NEO1: variants seen among roughly 807,000 people sequenced by gnomAD.
NEO1 encodes the protein neogenin.
A neutral mutation model predicts 159.7 loss-of-function variants in NEO1; 63 were observed. The observed-to-expected ratio is 0.39, with a 90% confidence interval of 0.32 to 0.49. The LOEUF (loss-of-function observed/expected upper bound fraction) is 0.49. Ranked by LOEUF, NEO1 falls within the 20% of genes least tolerant of loss-of-function variation. The pLI is 0.85. For synonymous variants in NEO1, 633 were observed against 662.0 expected, an observed-to-expected ratio of 0.96 and a Z score of 0.67; for missense variants, 1,615 against 1,831.0, an observed-to-expected ratio of 0.88 and a Z score of 2.15.
rs1489211868 is a variant in NEO1 at position 73,293,523 on chromosome 15, C to A, written c.3876C>A (p.Ser1292=). 1 of 1,614,172 alleles carries A rather than the reference C, an allele frequency of 6.2e-7. No individual in the cohort carries two copies. Among genetic ancestry groups the A allele is most frequent in the Admixed American group, 1.7e-5 (1 of 60,014 alleles). Residue 1292 remains serine (S), a synonymous_variant, in exon 26 of 29, where the codon TCC becomes TCA. Transcript: ENST00000261908. ...GSPWPIGTSM[S]LSDRANSTES... ...CATGGCCCATTGGCACATCCATGTC[C>A]CTTTCAGACAGGGCCAATTCCACAG...
In NEO1 at chr15:73,188,641, A is replaced by G. The variant is rs913677307; in HGVS notation, c.1291+10214A>G. 4.6e-5 allele frequency among the ~76,000 whole-genome samples: 7 copies of G among 152,218 alleles called. 1 individual carries two copies. Among genetic ancestry groups the G allele is most frequent in the Non-Finnish European group, 1.0e-4 (7 of 68,032 alleles). Reference sequence around the variant, plus strand: ...AAATCTCTGATTCTTTCCTTAGGAAAAATTCCTAAAAGAACAATTAATGGT... The same window carrying G: ...AAATCTCTGATTCTTTCCTTAGGAAGAATTCCTAAAAGAACAATTAATGGT... On this transcript the variant is annotated intron_variant, in intron 7 of 28. Coordinates refer to ENST00000261908, the MANE Select transcript of NEO1 (RefSeq NM_002499.4).
chr15:73,215,447 T>G (rs192484462), intron 7 of NEO1, among the ~76,000 whole-genome samples: 2 of 152,346 alleles, frequency 1.3e-5, no homozygotes, highest in East Asian at 3.9e-4. Flanking sequence ...CATTGAAGTA[T>G]GTCCCTTGTA....
intron 8 of NEO1, among the ~76,000 whole-genome samples, chr15:73,242,087 G>C (rs1004436532): frequency 2.6e-5 from 4 of 152,132 alleles, no homozygotes; most frequent in African/African-American, 9.7e-5. Flanking sequence ...TTTTACTTCA[G>C]TTTGAAGTAA....
rs1459305872 is a variant in NEO1 at position 73,258,824 on chromosome 15, A to G, written c.2151A>G (p.Thr717=). ...TGGCTGCTCTAACAATCAATGGTAC[A>G]GGCCCGGCAACTGACTGGCTGTCTG... ...FRVAALTING[T]GPATDWLSAE... is the part of the protein sequence containing the mutation. The change falls in exon 14 of 29, where the codon ACA becomes ACG. Residue 717 remains threonine (T), a synonymous_variant. Coordinates refer to ENST00000261908, the MANE Select transcript of NEO1 (RefSeq NM_002499.4). 1 of 1,613,956 alleles carries G rather than the reference A, an allele frequency of 6.2e-7. No homozygotes were observed. The highest frequency in any genetic ancestry group is 1.1e-5 in the South Asian group (1 of 91,078).
intron 7 of NEO1, among the ~76,000 whole-genome samples, chr15:73,208,156 C>A (rs1329910213): frequency 6.6e-6 from 1 of 152,136 alleles, no homozygotes; most frequent in East Asian, 1.9e-4. Context: ...TCACATAAAC[C>A]TTGAAGGAAA....
intron 7 of NEO1, among the ~76,000 whole-genome samples, chr15:73,226,812 T>G (rs1467764532): frequency 6.6e-6 from 1 of 152,210 alleles, no homozygotes; most frequent in Non-Finnish European, 1.5e-5. Context: ...TTTCCTACCT[T>G]TCAAATGAGC....
chr15:73,126,369 C>A, intron 3 of NEO1, 48 bp from the exon 4 acceptor site: 1 of 1,514,264 alleles, frequency 6.6e-7, no homozygotes, highest in South Asian at 1.3e-5. Context: ...CATGTCCAGC[C>A]TGTTTTGTCC....
At chr15:73,214,567 A>G (rs1342298597) in intron 7 of NEO1, among the ~76,000 whole-genome samples, 1 of 152,188 alleles carries the variant, frequency 6.6e-6, no homozygotes, top group Non-Finnish European at 1.5e-5. Context: ...GCTTTGTCAA[A>G]GATCAGTTGG....
At chr15:73,220,888 G>A (rs1257006002) in intron 7 of NEO1, among the ~76,000 whole-genome samples, 1 of 152,094 alleles carries the variant, frequency 6.6e-6, no homozygotes, top group Non-Finnish European at 1.5e-5. Flanking sequence ...CCTGTAGCTT[G>A]GAGTAGTTTG....
In NEO1 at chr15:73,244,420, A is replaced by T. The variant is rs777000615; in HGVS notation, c.1528A>T (p.Ile510Phe). ...AAACCTAATGCCAGCGACCGTGTAC[A>T]TCTTTAGAGTTATGGCTCAAAATAA... ...IQNLMPATVY[I>F]FRVMAQNKHG... is the part of the protein sequence containing the mutation. The change falls in exon 9 of 29, where the codon ATC becomes TTC. Residue 510 changes from isoleucine to phenylalanine, a missense_variant. Transcript: ENST00000261908. 9 of 1,613,986 alleles carry T rather than the reference A, an allele frequency of 5.6e-6. No homozygotes were observed. Among genetic ancestry groups the T allele is most frequent in the Non-Finnish European group, 7.6e-6 (9 of 1,179,980 alleles).
chr15:73,077,762 T>C (rs1204195915), intron 1 of NEO1, among the ~76,000 whole-genome samples: 2 of 151,958 alleles, frequency 1.3e-5, no homozygotes, highest in Non-Finnish European at 1.5e-5. Context: ...GTAAAAATAA[T>C]ACTGCTGAGG....
At chr15:73,133,388 G>C (rs1240446966) in intron 4 of NEO1, among the ~76,000 whole-genome samples, 1 of 152,072 alleles carries the variant, frequency 6.6e-6, no homozygotes, top group Non-Finnish European at 1.5e-5. Flanking sequence ...TGGACTTTGG[G>C]GACTTGGAGG....
intron 7 of NEO1, among the ~76,000 whole-genome samples, chr15:73,182,723 T>C (rs778888421): frequency 6.6e-6 from 1 of 152,034 alleles, no homozygotes; most frequent in African/African-American, 2.4e-5. Context: ...AAGAACCGTA[T>C]GGGGAGAACC....
At chr15:73,129,783 GA>G (rs767307321) in intron 4 of NEO1, among the ~76,000 whole-genome samples, 46 of 152,226 alleles carry the variant, frequency 3.0e-4, no homozygotes, top group Non-Finnish European at 5.6e-4. Context: ...GACAGTAGTA[GA>G]AAAATAAGAT....
chr15:73,275,215 T>C (rs1469677282), intron 21 of NEO1, among the ~76,000 whole-genome samples: 1 of 150,838 alleles, frequency 6.6e-6, no homozygotes, highest in Non-Finnish European at 1.5e-5. Flanking sequence ...TCCACAAATT[T>C]ACCTTACTCA....
chr15:73,302,575 C>T lies in NEO1; in HGVS notation c.4303-38C>T, dbSNP rs1210142287. 4.4e-6 allele frequency: 7 copies of T among 1,592,156 alleles called. No homozygotes were observed. In the South Asian group the frequency reaches 7.9e-5, roughly 18 times the overall value. On this transcript the variant is annotated intron_variant, in intron 28 of 28. Coordinates refer to ENST00000261908, the MANE Select transcript of NEO1 (RefSeq NM_002499.4). ...TGGGCTCTCCTTTCTGAGCTGCTCCCTGGATCCAGCCCAGTAACAGTGTTT... is the reference window on the plus strand; with the variant it reads ...TGGGCTCTCCTTTCTGAGCTGCTCCTTGGATCCAGCCCAGTAACAGTGTTT...
intron 7 of NEO1, among the ~76,000 whole-genome samples, chr15:73,179,345 AG>A (rs2035468049): frequency 6.6e-6 from 1 of 152,128 alleles, no homozygotes; most frequent in African/African-American, 2.4e-5. Flanking sequence ...CCTGTTGGAG[AG>A]GGTGTAACCA....
chr15:73,094,092 C>T (rs1049436720), intron 1 of NEO1, among the ~76,000 whole-genome samples: 1 of 152,180 alleles, frequency 6.6e-6, no homozygotes, highest in Non-Finnish European at 1.5e-5. Flanking sequence ...ATATAACTCA[C>T]ATACTATATA....
intron 7 of NEO1, among the ~76,000 whole-genome samples, chr15:73,196,143 GC>G (rs1234556631): frequency 6.6e-6 from 1 of 152,150 alleles, no homozygotes; most frequent in African/African-American, 2.4e-5. Flanking sequence ...AGGAGAGAAG[GC>G]TATCTTTTTT....
Sources: gnomAD v4.1 joint callset for allele counts (sites outside exome capture counted in the v4.1 genomes callset) on GRCh38, gnomAD v4.1.1 for gene constraint, MANE v1.5 for transcripts, NCBI Gene and HGNC (gene_info 2026-07-23, HGNC 2026-07-21) for gene names.